ADGRB3: variants seen among roughly 807,000 people sequenced by gnomAD.
ADGRB3 encodes the protein brain-specific angiogenesis inhibitor 3.
In ADGRB3, 37 loss-of-function variants were observed where a neutral mutation model predicts 193.4. The ratio of observed to expected loss-of-function variants is 0.19; its 90% CI spans 0.15 to 0.25. The LOEUF (loss-of-function observed/expected upper bound fraction) is 0.25, where lower values mean the gene tolerates loss of function less well. ADGRB3 is among the 10% of genes least tolerant of loss of function. The probability of loss-of-function intolerance (pLI) is 1.00; values close to 1 mark genes in which losing one functional copy is unlikely to be tolerated. For missense variants in ADGRB3, 1,637 were observed against 1,852.9 expected (o/e 0.88, Z 2.14); for synonymous variants, 690 against 644.2 (o/e 1.07, Z -1.08).
rs529465139 is a variant in ADGRB3, at chr6:68,669,733, C to A, written c.757+30301C>A. Among the ~76,000 whole-genome samples, 3 of 151,306 alleles carry A rather than the reference C, an allele frequency of 2.0e-5. No individual in the cohort carries two copies. The South Asian group carries it at 6.3e-4, about 32-fold the overall frequency. ...ATCTTAGCTATTATAAACAGTCCTG[C>A]AACAAACATAGGAGTGCTGATATCT... On this transcript the variant is annotated intron_variant, in intron 3 of 31. Coordinates refer to ENST00000370598, the MANE Select transcript of ADGRB3 (RefSeq NM_001704.3).
chr6:68,790,858 G>A (rs957587891), intron 3 of ADGRB3, among the ~76,000 whole-genome samples: 9 of 152,158 alleles, frequency 5.9e-5, no homozygotes, highest in Middle Eastern at 3.4e-3. Flanking sequence ...CAGAAAAACC[G>A]GAAACTCTAA....
intron 17 of ADGRB3, among the ~76,000 whole-genome samples, chr6:69,122,097 G>A (rs372349106): frequency 2.4e-5 from 3 of 125,636 alleles, no homozygotes; most frequent in African/African-American, 8.3e-5. Flanking sequence ...GGCCAAGGCA[G>A]GCGGCTGGAA....
intron 3 of ADGRB3, among the ~76,000 whole-genome samples, chr6:68,848,329 C>T (rs580973): frequency 0.34 from 51,693 of 151,742 alleles, 9,165 homozygotes; most frequent in East Asian, 0.59. Flanking sequence ...TTAATAGCAA[C>T]AATAGCAACT....
intron 17 of ADGRB3, among the ~76,000 whole-genome samples, chr6:69,142,668 A>G (rs1774372175): frequency 1.3e-5 from 2 of 152,160 alleles, no homozygotes; most frequent in Admixed American, 1.3e-4. Flanking sequence ...TACATGGGCA[A>G]CCCGCTGATT....
At chr6:68,937,581 T>A (rs545957132) in intron 5 of ADGRB3, among the ~76,000 whole-genome samples, 1 of 152,248 alleles carries the variant, frequency 6.6e-6, no homozygotes, top group Admixed American at 6.5e-5. Flanking sequence ...AGGGGATGGG[T>A]GTAAAGAAAG....
At chr6:69,116,651 G>A (rs1464561115) in intron 17 of ADGRB3, among the ~76,000 whole-genome samples, 4 of 152,194 alleles carry the variant, frequency 2.6e-5, no homozygotes, top group African/African-American at 9.7e-5. Flanking sequence ...TTAAGAAGGT[G>A]GAGTTTCTGA....
intron 20 of ADGRB3, among the ~76,000 whole-genome samples, chr6:69,279,066 CAT>C (rs1767362498): frequency 1.9e-5 from 1 of 53,750 alleles, no homozygotes; most frequent in Non-Finnish European, 3.3e-5. Context: ...ATATTAAATA[CAT>C]ATGTATATAT....
intron 30 of ADGRB3, among the ~76,000 whole-genome samples, chr6:69,377,172 C>G (rs1311777324): frequency 6.6e-6 from 1 of 151,968 alleles, no homozygotes; most frequent in East Asian, 1.9e-4. Flanking sequence ...TCACTTTAGG[C>G]TAATATTCAA....
At chr6:68,815,790 A>T (rs1346198775) in intron 3 of ADGRB3, among the ~76,000 whole-genome samples, 2 of 152,170 alleles carry the variant, frequency 1.3e-5, no homozygotes, top group African/African-American at 4.8e-5. Flanking sequence ...AAAAATATTC[A>T]ACATAATTTT....
chr6:68,669,165 G>A (rs373705037), intron 3 of ADGRB3, among the ~76,000 whole-genome samples: 2 of 151,866 alleles, frequency 1.3e-5, no homozygotes, highest in African/African-American at 4.8e-5. Context: ...TGTGAAATAA[G>A]GACGTCATGG....
chr6:68,788,732 CT>C (rs1484496886), intron 3 of ADGRB3, among the ~76,000 whole-genome samples: 2 of 152,120 alleles, frequency 1.3e-5, no homozygotes, highest in African/African-American at 4.8e-5. Context: ...TCTCTTTGAT[CT>C]GTCTAACGTT....
In ADGRB3 at chr6:69,346,940, A is replaced by T. The variant is rs151085481; in HGVS notation, c.3460-7293A>T. Among the ~76,000 whole-genome samples, 648 of 152,318 alleles carry T rather than the reference A, an allele frequency of 4.3e-3. 3 individuals carry two copies. Among genetic ancestry groups the T allele is most frequent in the African/African-American group, 0.014 (599 of 41,546 alleles). On this transcript the variant is annotated intron_variant, in intron 26 of 31. Coordinates refer to ENST00000370598, the MANE Select transcript of ADGRB3 (RefSeq NM_001704.3). ...TTATTGCAGCACTGTTCACAATAGC[A>T]AAGACTTGGAACTAACCCAAATGCC...
chr6:69,037,298 G>A (rs1484059487), intron 13 of ADGRB3, among the ~76,000 whole-genome samples: 1 of 152,072 alleles, frequency 6.6e-6, no homozygotes, highest in African/African-American at 2.4e-5. Context: ...TCTCAATATT[G>A]GCTTTGCTTA....
chr6:69,140,699 A>G (rs13214486), intron 17 of ADGRB3, among the ~76,000 whole-genome samples: 43,095 of 152,088 alleles, frequency 0.28, 8,155 homozygotes, highest in East Asian at 0.84. Context: ...GGTGATGGAT[A>G]CCCCATCTAC....
intron 3 of ADGRB3, among the ~76,000 whole-genome samples, chr6:68,846,749 G>T (rs1336586185): frequency 6.6e-6 from 1 of 152,202 alleles, no homozygotes; most frequent in Non-Finnish European, 1.5e-5. Context: ...CATGGGTGGG[G>T]CTTTCATGGA....
At chr6:69,025,356 C>G (rs1582402526) in intron 13 of ADGRB3, among the ~76,000 whole-genome samples, 1 of 152,162 alleles carries the variant, frequency 6.6e-6, no homozygotes, top group African/African-American at 2.4e-5. Context: ...TTCAGTCTGA[C>G]AATATTATTC....
intron 10 of ADGRB3, among the ~76,000 whole-genome samples, chr6:68,985,222 C>T (rs113946852): frequency 1.3e-5 from 2 of 152,058 alleles, no homozygotes; most frequent in South Asian, 2.1e-4. Context: ...CAGAAGTGTC[C>T]GCAGCACCTG....
chr6:69,004,175 C>T (rs576496239), intron 11 of ADGRB3, among the ~76,000 whole-genome samples: 3 of 152,246 alleles, frequency 2.0e-5, no homozygotes, highest in East Asian at 3.9e-4. Context: ...TTTATTAGGG[C>T]TACCATAACA....
At chr6:69,355,695 A>G (rs1050416671) in intron 27 of ADGRB3, 126 bp from the exon 28 acceptor site, 9 of 767,210 alleles carry the variant, frequency 1.2e-5, no homozygotes, top group South Asian at 3.3e-5. Context: ...GAAATTTCCT[A>G]TGAACAAAAC....
Sources: allele counts gnomAD v4.1 joint callset (sites outside exome capture counted in the v4.1 genomes callset), GRCh38; gene constraint gnomAD v4.1.1; transcripts MANE v1.5; gene names NCBI Gene and HGNC (gene_info 2026-07-23, HGNC 2026-07-21).